MACROD2: variants seen among roughly 807,000 people sequenced by gnomAD.
The protein encoded by MACROD2 is mono-ADP ribosylhydrolase 2.
Under a neutral mutation model 70.4 loss-of-function variants are expected in MACROD2, and 36 were observed. That is an observed-to-expected ratio of 0.51 (90% confidence interval 0.39 to 0.68). The LOEUF (loss-of-function observed/expected upper bound fraction) is 0.68, where lower values mean the gene tolerates loss of function less well. MACROD2 is among the 30% of genes least tolerant of loss of function. MACROD2 has a pLI of 0.00. For missense variants in MACROD2, 496 were observed against 538.4 expected, an observed-to-expected ratio of 0.92 and a Z score of 0.78; for synonymous variants, 172 against 178.8, an observed-to-expected ratio of 0.96 and a Z score of 0.30.
chr20:14,464,750 G>A (rs1452262611), intron 3 of MACROD2, among the ~76,000 whole-genome samples: 1 of 151,932 alleles, frequency 6.6e-6, no homozygotes, highest in Non-Finnish European at 1.5e-5. Context: ...GTTCTCGTTG[G>A]TTTCAAAGAA....
chr20:15,723,820 T>A (rs1433314362), intron 8 of MACROD2, among the ~76,000 whole-genome samples: 1 of 152,176 alleles, frequency 6.6e-6, no homozygotes, highest in Non-Finnish European at 1.5e-5. Context: ...GAGTAACTGC[T>A]GGATTACACA....
chr20:15,791,103 A>G (rs1006914494), intron 8 of MACROD2, among the ~76,000 whole-genome samples: 3 of 151,852 alleles, frequency 2.0e-5, no homozygotes, highest in African/African-American at 4.8e-5. Context: ...TTTGTTTTCC[A>G]TCTTTCCTGT....
At chr20:15,204,578 T>A (rs748647916) in intron 5 of MACROD2, among the ~76,000 whole-genome samples, 7 of 152,114 alleles carry the variant, frequency 4.6e-5, no homozygotes, top group Non-Finnish European at 8.8e-5. Context: ...TATTATGGAG[T>A]GCCCTTTTTC....
chr20:14,798,902 T>C (rs2072541786), intron 5 of MACROD2, among the ~76,000 whole-genome samples: 1 of 152,046 alleles, frequency 6.6e-6, no homozygotes, highest in Non-Finnish European at 1.5e-5. Flanking sequence ...AGATTTTGTA[T>C]GATGCAAGAA....
chr20:15,421,499 A>G (rs78973150), intron 6 of MACROD2, among the ~76,000 whole-genome samples: 6,396 of 152,308 alleles, frequency 0.042, 179 homozygotes, highest in Middle Eastern at 0.075. Flanking sequence ...TAATCATACC[A>G]TAGACTAGAA....
intron 3 of MACROD2, among the ~76,000 whole-genome samples, chr20:14,100,223 G>A (rs2054279928): frequency 6.6e-6 from 1 of 151,860 alleles, no homozygotes. Context: ...GGAAAAAAAG[G>A]TAATTTTAGA....
chr20:15,105,250 T>C (rs914074629), intron 5 of MACROD2, among the ~76,000 whole-genome samples: 3 of 152,116 alleles, frequency 2.0e-5, no homozygotes, highest in Non-Finnish European at 2.9e-5. Context: ...TTGTAAATGG[T>C]TGTCCCTTTA....
intron 2 of MACROD2, among the ~76,000 whole-genome samples, chr20:14,057,832 G>A (rs1274660133): frequency 6.6e-6 from 1 of 152,156 alleles, no homozygotes; most frequent in Non-Finnish European, 1.5e-5. Context: ...GTATAGTAAT[G>A]CGTACAGCAA....
intron 5 of MACROD2, among the ~76,000 whole-genome samples, chr20:15,162,099 A>G (rs1601160800): frequency 6.6e-6 from 1 of 152,108 alleles, no homozygotes; most frequent in African/African-American, 2.4e-5. Context: ...AATATCGTGA[A>G]GAGTCTTACA....
chr20:15,741,071 C>T (rs1204003042), intron 8 of MACROD2, among the ~76,000 whole-genome samples: 2 of 149,224 alleles, frequency 1.3e-5, no homozygotes, highest in Admixed American at 6.7e-5. Context: ...CAATGGTCTA[C>T]AAAACTCTCA....
At chr20:15,481,657 T>C (rs1216351671) in intron 7 of MACROD2, among the ~76,000 whole-genome samples, 2 of 151,866 alleles carry the variant, frequency 1.3e-5, no homozygotes, top group Non-Finnish European at 2.9e-5. Flanking sequence ...GCTTTCGTTG[T>C]ATAGCTAAAG....
intron 5 of MACROD2, among the ~76,000 whole-genome samples, chr20:14,745,136 A>T (rs2071783504): frequency 6.6e-6 from 1 of 152,086 alleles, no homozygotes; most frequent in Non-Finnish European, 1.5e-5. Flanking sequence ...TGGACTAGGG[A>T]CTTCCTGGGC....
intron 4 of MACROD2, among the ~76,000 whole-genome samples, chr20:14,515,461 A>G (rs1276551527): frequency 1.2e-5 from 1 of 80,848 alleles, no homozygotes; most frequent in African/African-American, 5.0e-5. Flanking sequence ...AGATACACAC[A>G]CACGCACACA....
At chr20:15,548,286 T>C (rs569649231) in intron 8 of MACROD2, among the ~76,000 whole-genome samples, 3 of 152,326 alleles carry the variant, frequency 2.0e-5, no homozygotes, top group South Asian at 2.1e-4. Flanking sequence ...AGTTAAAACA[T>C]AGTGATTTTA....
chr20:15,114,644 C>A (rs544244648), intron 5 of MACROD2, among the ~76,000 whole-genome samples: 1 of 152,186 alleles, frequency 6.6e-6, no homozygotes, highest in Non-Finnish European at 1.5e-5. Context: ...TCCATGGAAA[C>A]CAAGACATAC....
At chr20:15,242,052 A>G (rs1223624942) in intron 6 of MACROD2, among the ~76,000 whole-genome samples, 1 of 152,194 alleles carries the variant, frequency 6.6e-6, no homozygotes, top group East Asian at 1.9e-4. Flanking sequence ...TACCACCATA[A>G]TCAAGTGATC....
At chr20:14,922,594 C>T (rs1466121859) in intron 5 of MACROD2, among the ~76,000 whole-genome samples, 1 of 152,106 alleles carries the variant, frequency 6.6e-6, no homozygotes, top group Non-Finnish European at 1.5e-5. Flanking sequence ...TTTAAAGGTG[C>T]AGTATGTCCA....
chr20:14,896,067 C>T (rs1201444006), intron 5 of MACROD2, among the ~76,000 whole-genome samples: 3 of 152,210 alleles, frequency 2.0e-5, no homozygotes, highest in East Asian at 1.9e-4. Flanking sequence ...GAGGCCGAGG[C>T]GGGCAGATCA....
chr20:15,165,423 T>C (rs1406693247), intron 5 of MACROD2, among the ~76,000 whole-genome samples: 3 of 152,210 alleles, frequency 2.0e-5, no homozygotes, highest in African/African-American at 7.2e-5. Flanking sequence ...GCCACTGCAC[T>C]CTAGCTTGGG....
Sources: gnomAD v4.1 joint callset for allele counts (sites outside exome capture counted in the v4.1 genomes callset) on GRCh38, gnomAD v4.1.1 for gene constraint, MANE v1.5 for transcripts, NCBI Gene and HGNC (gene_info 2026-07-23, HGNC 2026-07-21) for gene names.